Variants in NDST3 observed in about 807,000 individuals in gnomAD.
NDST3 encodes N-deacetylase and N-sulfotransferase 3, also known as bifunctional heparan sulfate N-deacetylase/N-sulfotransferase 3.
NDST3 carries 58 observed loss-of-function variants against 96.1 expected under a neutral mutation model. The observed-to-expected ratio is 0.60, with a 90% CI of 0.49 to 0.75. NDST3 has a LOEUF of 0.75. Among genes scored for constraint, NDST3 ranks in the 30% least tolerant of loss-of-function variants. NDST3 has a pLI of 0.00. For synonymous variants in NDST3, 333 were observed against 359.7 expected, an observed-to-expected ratio of 0.93 and a Z score of 0.84; for missense variants, 788 against 1,034.2, an observed-to-expected ratio of 0.76 and a Z score of 3.27.
chr4:118,061,057 T>C (rs1031982471), intron 2 of NDST3, among the ~76,000 whole-genome samples: 4 of 152,176 alleles, frequency 2.6e-5, no homozygotes, highest in Non-Finnish European at 4.4e-5. Context: ...CATTGACACG[T>C]AATTTTGATC....
intron 2 of NDST3, among the ~76,000 whole-genome samples, chr4:118,077,820 C>T (rs1727673220): frequency 6.6e-6 from 1 of 152,224 alleles, no homozygotes; most frequent in African/African-American, 2.4e-5. Context: ...TCCTGGGGAA[C>T]ATGGGATTGT....
At chr4:118,107,972 A>C (rs1263470461) in intron 3 of NDST3, among the ~76,000 whole-genome samples, 1 of 152,212 alleles carries the variant, frequency 6.6e-6, no homozygotes, top group East Asian at 1.9e-4. Context: ...ACAGTTCCAC[A>C]TGGCTGGGGA....
intron 2 of NDST3, among the ~76,000 whole-genome samples, chr4:118,101,517 A>G (rs1033892864): frequency 6.6e-6 from 1 of 152,076 alleles, no homozygotes; most frequent in Non-Finnish European, 1.5e-5. Flanking sequence ...TCTGATTAGC[A>G]TTTTCAACTG....
At chr4:118,174,437 G>A (rs1351708445) in intron 6 of NDST3, among the ~76,000 whole-genome samples, 2 of 152,054 alleles carry the variant, frequency 1.3e-5, no homozygotes, top group African/African-American at 4.8e-5. Flanking sequence ...TGAACTATAT[G>A]GAAGTAACAC....
At chr4:118,096,450 A>G (rs143532598) in intron 2 of NDST3, among the ~76,000 whole-genome samples, 1 of 152,022 alleles carries the variant, frequency 6.6e-6, no homozygotes, top group Admixed American at 6.6e-5. Flanking sequence ...CTCCCAAACC[A>G]GCTGAAATGG....
intron 6 of NDST3, among the ~76,000 whole-genome samples, chr4:118,165,536 A>C (rs1314364189): frequency 6.6e-6 from 1 of 152,044 alleles, no homozygotes; most frequent in East Asian, 1.9e-4. Context: ...CAATAAGAAA[A>C]CAATACTTGA....
chr4:118,034,019 GC>G (rs1419468223), upstream of NDST3: 1 of 152,364 alleles, frequency 6.6e-6, no homozygotes, highest in African/African-American at 2.4e-5. Flanking sequence ...GTTTCTCGCG[GC>G]TTGGAATGAG....
intron 8 of NDST3, among the ~76,000 whole-genome samples, chr4:118,227,916 A>G (rs2125996854): frequency 6.6e-6 from 1 of 152,270 alleles, no homozygotes; most frequent in Non-Finnish European, 1.5e-5. Flanking sequence ...CCGGTCTATA[A>G]ACTTCTTGTT....
intron 2 of NDST3, among the ~76,000 whole-genome samples, chr4:118,058,626 TGTGTGTGTGCGCGC>T (rs1341628030): frequency 0.032 from 2,760 of 85,254 alleles, 91 homozygotes; most frequent in African/African-American, 0.089. Flanking sequence ...TGTGTGTGTG[TGTGTGTGTGCGCGC>T]GCGCGCACGC....
chr4:118,130,103 G>A (rs1230082613), intron 4 of NDST3, among the ~76,000 whole-genome samples: 1 of 151,866 alleles, frequency 6.6e-6, no homozygotes, highest in Non-Finnish European at 1.5e-5. Flanking sequence ...GTTTCTTGTG[G>A]GCAACAGATC....
At chr4:118,146,255 G>T (rs1733934725) in intron 6 of NDST3, among the ~76,000 whole-genome samples, 1 of 152,280 alleles carries the variant, frequency 6.6e-6, no homozygotes, top group South Asian at 2.1e-4. Context: ...GATAGCCATT[G>T]TAAGTTTAAG....
chr4:118,065,417 C>G (rs1163728698), intron 2 of NDST3, among the ~76,000 whole-genome samples: 1 of 152,096 alleles, frequency 6.6e-6, no homozygotes, highest in Admixed American at 6.6e-5. Flanking sequence ...CATGGGGGAG[C>G]AAGTAACTCT....
intron 8 of NDST3, among the ~76,000 whole-genome samples, chr4:118,230,566 C>T (rs534505017): frequency 2.0e-5 from 3 of 150,104 alleles, no homozygotes; most frequent in Admixed American, 6.6e-5. Flanking sequence ...CAGAGCGAGA[C>T]TCCGTTTCAA....
At chr4:118,043,161 AT>A (rs555956337) in intron 1 of NDST3, among the ~76,000 whole-genome samples, 422 of 152,330 alleles carry the variant, frequency 2.8e-3, no homozygotes, top group Non-Finnish European at 5.2e-3. Flanking sequence ...TTTATCTACC[AT>A]AGATATTATG....
At chr4:118,129,541 C>T (rs1323147538) in intron 4 of NDST3, among the ~76,000 whole-genome samples, 1 of 151,940 alleles carries the variant, frequency 6.6e-6, no homozygotes, top group East Asian at 1.9e-4. Flanking sequence ...CCATTGTTGT[C>T]AGAGAAGACG....
chr4:118,247,849 C>T (rs1195761394), intron 12 of NDST3, among the ~76,000 whole-genome samples: 3 of 152,144 alleles, frequency 2.0e-5, no homozygotes, highest in African/African-American at 7.2e-5. Flanking sequence ...TAAAAAACTG[C>T]AATGCCTATC....
rs377645096 is a variant in NDST3, at chr4:118,045,292, A to G, written c.-155-8464A>G. ...CTCACCACCCCCTGGAGCATTCCACAGACTCCCCCACTTGCCATGGTCTCT... is the reference window on the plus strand; with the variant it reads ...CTCACCACCCCCTGGAGCATTCCACGGACTCCCCCACTTGCCATGGTCTCT... On this transcript the variant is annotated intron_variant, in intron 1 of 13. Coordinates refer to ENST00000296499, the MANE Select transcript of NDST3 (RefSeq NM_004784.3). 2.3e-3 allele frequency among the ~76,000 whole-genome samples: 347 copies of G among 152,166 alleles called. 1 individual carries two copies. The South Asian group carries it at 0.025, about 11-fold the overall frequency.
At position 118,114,973 on chromosome 4, in the gene NDST3, CTTTGTTGCA is replaced by C; in HGVS notation, c.1224+16_1224+24del. The stretch of plus-strand genomic sequence containing the variant: ...AAAATTTGCCTTAGTAAGTAACTCA[CTTTGTTGCA>C]TTGAAGTAGTGTACACTGATTGGAG... On this transcript the variant is annotated intron_variant, in intron 4 of 13. Transcript: ENST00000296499. 6.2e-7 allele frequency: 1 copy of C among 1,613,252 alleles called. No homozygotes were observed. The highest frequency in any genetic ancestry group is 8.5e-7 in the Non-Finnish European group (1 of 1,179,280).
At chr4:118,066,056 TA>T (rs955234632) in intron 2 of NDST3, among the ~76,000 whole-genome samples, 4 of 121,278 alleles carry the variant, frequency 3.3e-5, no homozygotes, top group African/African-American at 6.3e-5. Context: ...TCTTTTGGAT[TA>T]AAATATATAT....
Sources: allele counts gnomAD v4.1 joint callset (sites outside exome capture counted in the v4.1 genomes callset), GRCh38; gene constraint gnomAD v4.1.1; transcripts MANE v1.5; gene names NCBI Gene and HGNC (gene_info 2026-07-23, HGNC 2026-07-21).